The following WWOX variants were observed in gnomAD, a reference collection of about 807,000 sequenced individuals.
WWOX encodes the protein WW domain containing oxidoreductase.
Under a neutral mutation model 46.2 loss-of-function variants are expected in WWOX, and 69 were observed. The ratio of observed to expected loss-of-function variants is 1.49; its 90% CI spans 1.23 to 1.82. The LOEUF is 1.82. Among genes scored for constraint, WWOX ranks in the 40% most tolerant of loss-of-function variants. WWOX has a pLI of 0.00. For missense variants in WWOX, 919 were observed against 542.6 expected (o/e 1.69, Z -6.89); for synonymous variants, 359 against 202.6 (o/e 1.77, Z -6.56).
intron 8 of WWOX, among the ~76,000 whole-genome samples, chr16:78,781,507 A>G (rs1447596288): frequency 2.0e-5 from 3 of 152,194 alleles, no homozygotes; most frequent in Non-Finnish European, 4.4e-5. Flanking sequence ...AGGTATAGAC[A>G]TTATGACCCT....
At chr16:78,837,722 A>G (rs896283719) in intron 8 of WWOX, among the ~76,000 whole-genome samples, 8 of 152,182 alleles carry the variant, frequency 5.3e-5, no homozygotes, top group Non-Finnish European at 7.3e-5. Context: ...GTGAATTTCT[A>G]TTTATTATTT....
At chr16:78,588,777 A>G (rs1424490619) in intron 8 of WWOX, among the ~76,000 whole-genome samples, 1 of 152,194 alleles carries the variant, frequency 6.6e-6, no homozygotes, top group African/African-American at 2.4e-5. Flanking sequence ...AACACTTAGC[A>G]TATGCTTTTT....
chr16:78,413,929 C>T (rs746249062), intron 6 of WWOX, among the ~76,000 whole-genome samples: 1 of 151,730 alleles, frequency 6.6e-6, no homozygotes, highest in Non-Finnish European at 1.5e-5. Flanking sequence ...CCGTCATAAC[C>T]CCTGTGACCT....
intron 8 of WWOX, among the ~76,000 whole-genome samples, chr16:78,900,825 C>G (rs142780488): frequency 1.4e-5 from 2 of 142,440 alleles, no homozygotes; most frequent in Admixed American, 7.4e-5. Context: ...TAAAATTGTA[C>G]TTTTAATCAG....
chr16:78,807,333 C>T (rs117103699), intron 8 of WWOX, among the ~76,000 whole-genome samples: 2 of 152,318 alleles, frequency 1.3e-5, no homozygotes, highest in African/African-American at 2.4e-5. Flanking sequence ...ATGCCAGTGA[C>T]ACCCAGTGAA....
At chr16:78,325,706 C>T (rs571265978) in intron 5 of WWOX, among the ~76,000 whole-genome samples, 23 of 152,270 alleles carry the variant, frequency 1.5e-4, no homozygotes, top group African/African-American at 5.5e-4. Flanking sequence ...CTTTTGTCAC[C>T]CTGTGTTTTT....
intron 8 of WWOX, among the ~76,000 whole-genome samples, chr16:78,877,350 T>G (rs986399276): frequency 1.3e-5 from 2 of 151,022 alleles, no homozygotes; most frequent in African/African-American, 4.9e-5. Context: ...CTTCTTCAGC[T>G]GTTCCTCAGA....
intron 8 of WWOX, among the ~76,000 whole-genome samples, chr16:78,498,279 T>C (rs2084969685): frequency 6.6e-6 from 1 of 152,082 alleles, no homozygotes. Flanking sequence ...GCTGTTAGAC[T>C]TCTTAAAGCG....
In WWOX at chr16:78,640,711, G is replaced by C. The variant is rs185335298; in HGVS notation, c.1056+207959G>C. Among the ~76,000 whole-genome samples, 557 of 152,222 alleles carry C rather than the reference G, an allele frequency of 3.7e-3. 3 individuals carry two copies. The highest frequency in any genetic ancestry group is 6.8e-3 in the Middle Eastern group (2 of 294). On this transcript the variant is annotated intron_variant, in intron 8 of 8. Transcript: ENST00000566780. ...CCTAACATTTTGGGAGGTCGAGGCA[G>C]GCAGATTGCCTGAGCTCAGGAGTTG...
chr16:79,114,381 C>CAG (rs2150663117), intron 8 of WWOX, among the ~76,000 whole-genome samples: 1 of 151,288 alleles, frequency 6.6e-6, no homozygotes, highest in Admixed American at 6.6e-5. Context: ...TGTGTGCACA[C>CAG]ATATCTACGT....
rs369494215 is a variant in WWOX at position 78,732,764 on chromosome 16, C to G, written c.1056+300012C>G. ...AAAGTAAATAAGGGGAAATTGCATACTCCTATCTGGACTGTTTTCTTATGG... is the reference window on the plus strand; with the variant it reads ...AAAGTAAATAAGGGGAAATTGCATAGTCCTATCTGGACTGTTTTCTTATGG... On this transcript the variant is annotated intron_variant, in intron 8 of 8. Coordinates refer to ENST00000566780, the MANE Select transcript of WWOX (RefSeq NM_016373.4). 2.0e-4 allele frequency among the ~76,000 whole-genome samples: 31 copies of G among 152,242 alleles called. 1 individual carries two copies. The South Asian group carries it at 4.8e-3, about 23-fold the overall frequency.
chr16:78,352,514 C>T (rs2081206060), intron 5 of WWOX, among the ~76,000 whole-genome samples: 1 of 152,192 alleles, frequency 6.6e-6, no homozygotes, highest in South Asian at 2.1e-4. Flanking sequence ...GATGGCTGCT[C>T]AAGTCCTTCT....
At chr16:79,075,064 G>A (rs998618873) in intron 8 of WWOX, among the ~76,000 whole-genome samples, 3 of 152,198 alleles carry the variant, frequency 2.0e-5, no homozygotes, top group African/African-American at 7.2e-5. Flanking sequence ...CTATGGAAGT[G>A]CAATAGTTAT....
chr16:78,813,485 T>C (rs1320362888), intron 8 of WWOX, among the ~76,000 whole-genome samples: 1 of 152,132 alleles, frequency 6.6e-6, no homozygotes, highest in Non-Finnish European at 1.5e-5. Flanking sequence ...GGGACACATA[T>C]TTTGTCCTGG....
chr16:78,306,256 A>G (rs1218766122), intron 5 of WWOX, among the ~76,000 whole-genome samples: 2 of 152,236 alleles, frequency 1.3e-5, no homozygotes, highest in African/African-American at 4.8e-5. Flanking sequence ...AATAACATTC[A>G]TGATACCTCT....
intron 8 of WWOX, among the ~76,000 whole-genome samples, chr16:78,917,547 T>C (rs1434147876): frequency 1.3e-5 from 2 of 152,134 alleles, no homozygotes; most frequent in African/African-American, 4.8e-5. Flanking sequence ...TTGGAAATTA[T>C]TCCTAACCCC....
chr16:78,466,806 C>A (rs2084089012), intron 8 of WWOX, among the ~76,000 whole-genome samples: 1 of 152,188 alleles, frequency 6.6e-6, no homozygotes, highest in Admixed American at 6.5e-5. Context: ...CGATATCTCA[C>A]CTCTGCACTC....
chr16:78,562,704 T>C (rs2044467926), intron 8 of WWOX, among the ~76,000 whole-genome samples: 1 of 152,152 alleles, frequency 6.6e-6, no homozygotes, highest in South Asian at 2.1e-4. Flanking sequence ...TCACTGACAA[T>C]CTGATCGCTC....
chr16:78,135,830 C>G (rs367800271), intron 4 of WWOX, among the ~76,000 whole-genome samples: 2 of 152,116 alleles, frequency 1.3e-5, no homozygotes, highest in Non-Finnish European at 2.9e-5. Context: ...AACATATAAG[C>G]ACATGTACCT....
Sources: gnomAD v4.1 joint callset for allele counts (sites outside exome capture counted in the v4.1 genomes callset) on GRCh38, gnomAD v4.1.1 for gene constraint, MANE v1.5 for transcripts, NCBI Gene and HGNC (gene_info 2026-07-23, HGNC 2026-07-21) for gene names.